Variants in WDHD1 observed in about 807,000 individuals in gnomAD.
WDHD1 encodes WD repeat and HMG-box DNA binding protein 1.
Under a neutral mutation model 135.4 loss-of-function variants are expected in WDHD1, and 111 were observed. The observed-to-expected ratio is 0.82, with a 90% CI of 0.70 to 0.96. The LOEUF is 0.96. WDHD1 is among the 40% of genes least tolerant of loss of function. The pLI, the probability that WDHD1 is intolerant of heterozygous loss-of-function variation, is 0.00. For missense variants in WDHD1, 1,351 were observed against 1,336.3 expected (o/e 1.01, Z -0.17); for synonymous variants, 434 against 439.0 (o/e 0.99, Z 0.14).
intron 2 of WDHD1, among the ~76,000 whole-genome samples, chr14:55,023,905 G>A (rs2042389967): frequency 1.3e-5 from 2 of 152,172 alleles, no homozygotes; most frequent in African/African-American, 4.8e-5. Flanking sequence ...GGAAATGTTT[G>A]AGTGTGTAAA....
intron 24 of WDHD1, among the ~76,000 whole-genome samples, chr14:54,949,286 C>T (rs1012630864): frequency 1.3e-5 from 2 of 152,098 alleles, no homozygotes; most frequent in Non-Finnish European, 2.9e-5. Context: ...ACTAGAATAA[C>T]CAGTGTAGAG....
intron 11 of WDHD1, among the ~76,000 whole-genome samples, chr14:54,994,545 T>C (rs1226641387): frequency 2.0e-5 from 3 of 152,184 alleles, no homozygotes; most frequent in African/African-American, 7.2e-5. Flanking sequence ...CATTCTTTTT[T>C]TCATATTGTC....
In WDHD1 at chr14:54,939,862, A is replaced by G. The variant is rs2140140887; in HGVS notation, c.*1628T>C. 6.6e-6 allele frequency: 1 copy of G among 152,370 alleles called. No homozygotes were observed. Among genetic ancestry groups the G allele is most frequent in the East Asian group, 1.9e-4 (1 of 5,188 alleles). 9.4% of individuals were successfully genotyped at this position (152,370 alleles called of 1,614,324 possible). A position where few individuals can be genotyped will look rare whatever the true frequency, so the allele number is the denominator to read the frequency against. The stretch of plus-strand genomic sequence containing the variant: ...CGGTTTTTGCCACTGAAATGGCGAA[A>G]CTGCATTTACTTTTATATCAACCTA... On this transcript the variant is annotated 3_prime_UTR_variant, in exon 26 of 26. Transcript: ENST00000360586.
chr14:54,942,511 TACC>T (rs1448776333), intron 25 of WDHD1, among the ~76,000 whole-genome samples: 6 of 152,156 alleles, frequency 3.9e-5, no homozygotes, highest in African/African-American at 1.4e-4. Context: ...TTGGTTTGTT[TACC>T]ACCACAGTCA....
chr14:54,984,625 TTAAA>T (rs1172127455), intron 15 of WDHD1, 94 bp downstream of exon 15: 9 of 1,008,252 alleles, frequency 8.9e-6, no homozygotes, highest in African/African-American at 3.4e-5. Context: ...TAATTTATTC[TTAAA>T]TTAATTAGGA....
intron 21 of WDHD1, 96 bp downstream of exon 21, chr14:54,962,402 T>C: frequency 3.4e-6 from 3 of 871,418 alleles, no homozygotes; most frequent in East Asian, 4.8e-5. Context: ...ACACCAAAAG[T>C]GGCCTTAAGA....
intron 24 of WDHD1, among the ~76,000 whole-genome samples, chr14:54,955,009 G>C (rs554696767): frequency 6.6e-6 from 1 of 152,148 alleles, no homozygotes; most frequent in African/African-American, 2.4e-5. Flanking sequence ...GATTATAGGC[G>C]TGAGCCACCA....
intron 16 of WDHD1, among the ~76,000 whole-genome samples, chr14:54,968,933 T>A (rs2041387094): frequency 6.6e-6 from 1 of 152,148 alleles, no homozygotes; most frequent in Admixed American, 6.5e-5. Context: ...CTCCAGCTGC[T>A]CAGAAGACTG....
chr14:54,993,234 C>T (rs1239778687), intron 11 of WDHD1, among the ~76,000 whole-genome samples: 1 of 152,174 alleles, frequency 6.6e-6, no homozygotes, highest in Non-Finnish European at 1.5e-5. Context: ...CCTCCTACCT[C>T]AGCCTCCCAA....
At chr14:54,967,071 T>C (rs1456298707) in intron 17 of WDHD1, among the ~76,000 whole-genome samples, 2 of 152,164 alleles carry the variant, frequency 1.3e-5, no homozygotes, top group Non-Finnish European at 2.9e-5. Flanking sequence ...GTCACACCCA[T>C]TTACTTTGTA....
intron 21 of WDHD1, among the ~76,000 whole-genome samples, chr14:54,961,942 T>C (rs1055953771): frequency 5.3e-5 from 8 of 151,976 alleles, no homozygotes; most frequent in African/African-American, 1.7e-4. Flanking sequence ...GTTCAAGTGA[T>C]TCTCCTGCTT....
rs1392791573 is a variant in WDHD1 at position 54,940,553 on chromosome 14, G to C, written c.*937C>G. The C allele has an allele frequency of 6.6e-6, 1 of 151,854 alleles. No individual in the cohort carries two copies. Among genetic ancestry groups the C allele is most frequent in the African/African-American group, 2.4e-5 (1 of 41,308 alleles). 9.4% of individuals were successfully genotyped at this position (151,854 alleles called of 1,614,324 possible). A position where few individuals can be genotyped will look rare whatever the true frequency, so the allele number is the denominator to read the frequency against. ...CCTTTATGTGGCTGCATTTGTATTA[G>C]TCTCTGCTTAGAAAACCAAAAATGT... On this transcript the variant is annotated 3_prime_UTR_variant, in exon 26 of 26. Coordinates refer to ENST00000360586, the MANE Select transcript of WDHD1 (RefSeq NM_007086.4).
At chr14:54,942,251 A>T (rs905039255) in intron 25 of WDHD1, among the ~76,000 whole-genome samples, 3 of 148,994 alleles carry the variant, frequency 2.0e-5, no homozygotes, top group Non-Finnish European at 3.0e-5. Context: ...TCCGTCTCAA[A>T]AAATAAATAA....
chr14:54,953,768 T>TAC (rs1435159925), intron 24 of WDHD1, among the ~76,000 whole-genome samples: 1 of 152,180 alleles, frequency 6.6e-6, no homozygotes, highest in Non-Finnish European at 1.5e-5. Context: ...GTGGCACATA[T>TAC]ACACCATGGA....
chr14:55,025,971 G>A (rs1290198978), intron 2 of WDHD1, among the ~76,000 whole-genome samples: 2 of 152,176 alleles, frequency 1.3e-5, no homozygotes, highest in Admixed American at 6.5e-5. Flanking sequence ...TTAACTAGAT[G>A]AGCTTCTCCT....
rs565131959 is a variant in WDHD1, at chr14:54,954,445, T to C, written c.3050+1116A>G. Among the ~76,000 whole-genome samples, 7 of 152,304 alleles carry C rather than the reference T, an allele frequency of 4.6e-5. No homozygotes were observed. The East Asian group carries it at 1.2e-3, about 25-fold the overall frequency. On this transcript the variant is annotated intron_variant, in intron 24 of 25. Coordinates refer to ENST00000360586, the MANE Select transcript of WDHD1 (RefSeq NM_007086.4). ...AACATCAATGCAGAACAATCTGGCATTGGAATTATAAGTGCAGATTAACTT... is the reference window on the plus strand; with the variant it reads ...AACATCAATGCAGAACAATCTGGCACTGGAATTATAAGTGCAGATTAACTT...
chr14:54,985,171 T>C (rs2041677062), intron 14 of WDHD1, among the ~76,000 whole-genome samples: 1 of 152,166 alleles, frequency 6.6e-6, no homozygotes, highest in Admixed American at 6.6e-5. Flanking sequence ...CCACTCTTAT[T>C]AAATTCAAAT....
At position 54,984,820 on chromosome 14, in the gene WDHD1, C is replaced by A. The variant is rs1368852325; in HGVS notation, c.1809G>T (p.Leu603=). Residue 603 remains leucine, a synonymous_variant, in exon 15 of 26, where the codon CTG becomes CTT. Coordinates refer to ENST00000360586, the MANE Select transcript of WDHD1 (RefSeq NM_007086.4). ...FDGDQCLGVQ[L]LELGKKKKQI... is the part of the protein sequence containing the mutation. ...GTTTTTTCTTTTTCCCCAGCTCTAG[C>A]AGTTGAACTCCAAGGCACTGATCCC... 6.2e-7 allele frequency: 1 copy of A among 1,613,726 alleles called. No homozygotes were observed. Among genetic ancestry groups the A allele is most frequent in the South Asian group, 1.1e-5 (1 of 91,000 alleles).
intron 2 of WDHD1, among the ~76,000 whole-genome samples, chr14:55,014,701 T>C (rs1485698927): frequency 6.6e-6 from 1 of 152,000 alleles, no homozygotes; most frequent in African/African-American, 2.4e-5. Flanking sequence ...CAAAATATAA[T>C]GTACATAATA....
Sources: allele counts gnomAD v4.1 joint callset (sites outside exome capture counted in the v4.1 genomes callset), GRCh38; gene constraint gnomAD v4.1.1; transcripts MANE v1.5; gene names NCBI Gene and HGNC (gene_info 2026-07-23, HGNC 2026-07-21).